PCNX4: variants seen among roughly 807,000 people sequenced by gnomAD.
The protein encoded by PCNX4 is pecanex 4, also known as pecanex-like protein 4.
In PCNX4, 103 loss-of-function variants were observed where a neutral mutation model predicts 107.2. The ratio of observed to expected loss-of-function variants is 0.96; its 90% confidence interval spans 0.82 to 1.13. The LOEUF (loss-of-function observed/expected upper bound fraction) is 1.13. PCNX4 is among the 50% of genes most tolerant of loss of function. PCNX4 has a pLI of 0.00. For missense variants in PCNX4, 1,528 were observed against 1,379.4 expected, an observed-to-expected ratio of 1.11 and a Z score of -1.71; for synonymous variants, 541 against 481.7, an observed-to-expected ratio of 1.12 and a Z score of -1.61.
rs1895816986 is a variant in PCNX4 at position 60,115,035 on chromosome 14, A to G, written c.931A>G (p.Thr311Ala). 6.2e-7 allele frequency: 1 copy of G among 1,613,132 alleles called. No homozygotes were observed. The highest frequency in any genetic ancestry group is 8.5e-7 in the Non-Finnish European group (1 of 1,179,372). The stretch of plus-strand genomic sequence containing the variant: ...TATAGCATCATATTTCATTCCAAGC[A>G]CTGTTGGTGTGGTTCTTTTCATGAC... Reference protein sequence around the residue: ...TAIASYFIPSTVGVVLFMTGF... With the variant: ...TAIASYFIPSAVGVVLFMTGF... Residue 311 changes from threonine (T) to alanine (A), a missense_variant, in exon 4 of 11, where the codon ACT (threonine) becomes GCT (alanine). Thr to Ala is a moderately conservative substitution (Grantham distance 58). Coordinates refer to ENST00000406854, the MANE Select transcript of PCNX4 (RefSeq NM_001330177.2).
At position 60,115,326 on chromosome 14, in the gene PCNX4, A is replaced by C; in HGVS notation, c.1222A>C (p.Ile408Leu). The C allele has an allele frequency of 6.2e-7, 1 of 1,608,526 alleles. No individual in the cohort carries two copies. The highest frequency in any genetic ancestry group is 1.1e-5 in the South Asian group (1 of 90,426). ...TATAATACTGTGGATACTTAGAGAA[A>C]TTCAAAGCGTATATATCATTGGAAT... ...LLIILWILRE[I>L]QSVYIIGIFR... The change falls in exon 4 of 11, where the codon ATT becomes CTT. Residue 408 changes from isoleucine to leucine, a missense_variant. Coordinates refer to ENST00000406854, the MANE Select transcript of PCNX4 (RefSeq NM_001330177.2).
rs768972189 is a variant in PCNX4 at position 60,115,757 on chromosome 14, A to G, written c.1396A>G (p.Ser466Gly). The change falls in exon 5 of 11, where the codon AGT (serine) becomes GGT (glycine). Residue 466 changes from serine (S) to glycine (G), a missense_variant. Transcript: ENST00000406854. ...CATGATAGCATTTCTTTCATTGGAC[A>G]GTTCCTTACAAGGGCTCCACTCAGT... is the stretch of plus-strand genomic sequence containing the variant. ...FAMIAFLSLD[S>G]SLQGLHSVSV... 5.6e-6 allele frequency: 9 copies of G among 1,613,502 alleles called. No homozygotes were observed. In the African/African-American group the frequency reaches 9.3e-5, roughly 17 times the overall value.
At chr14:60,114,939 A>C in intron 3 of PCNX4, 35 bp from the exon 4 acceptor site, 1 of 1,517,378 alleles carries the variant, frequency 6.6e-7, no homozygotes, top group Non-Finnish European at 8.7e-7. Flanking sequence ...TTTTCTTTTC[A>C]AGTAAATATT....
At chr14:60,111,245 A>T (rs925958681) in intron 2 of PCNX4, 1 of 152,080 alleles carries the variant, frequency 6.6e-6, no homozygotes, top group Non-Finnish European at 1.5e-5. Flanking sequence ...ACTGAAACTG[A>T]CCTGTCCTTG....
chr14:60,115,804 A>G lies in PCNX4; in HGVS notation c.1443A>G (p.Thr481=), dbSNP rs1342876679. 2.4e-5 allele frequency: 38 copies of G among 1,611,580 alleles called. No individual in the cohort carries two copies. In the Admixed American group the frequency reaches 6.3e-4, roughly 27 times the overall value. ...LHSVSVCIGF[T]RAFRMVWQNT... The stretch of plus-strand genomic sequence containing the variant: ...CAGTGTCTGTCTGTATTGGATTCAC[A>G]AGAGCCTTTAGAATGGTAATCCTAA... The change falls in exon 5 of 11, where the codon ACA becomes ACG. Residue 481 remains threonine (T), a synonymous_variant. Transcript: ENST00000406854.
In PCNX4 at chr14:60,107,702, C is replaced by CA; in HGVS notation, c.65dup (p.Thr23AspfsTer21). ...GGACTTCTTTCTGAAGCGCTTTCCA[C>CA]AGACTGTTCTTGGAGGCCCTCGATT... On this transcript the variant is annotated frameshift_variant, in exon 2 of 11. Coordinates refer to ENST00000406854, the MANE Select transcript of PCNX4 (RefSeq NM_001330177.2). LOFTEE classifies it high-confidence loss of function. 1 of 1,612,856 alleles carries CA rather than the reference C, an allele frequency of 6.2e-7. No homozygotes were observed.
chr14:60,133,904 A>G (rs1595181857), intron 10 of PCNX4, 66 bp from the exon 11 acceptor site: 2 of 1,446,486 alleles, frequency 1.4e-6, no homozygotes, highest in African/African-American at 2.9e-5. Flanking sequence ...GTTTATGAAT[A>G]AAATATAAAG....
At chr14:60,132,632 C>G (rs999267727) in intron 10 of PCNX4, among the ~76,000 whole-genome samples, 3 of 152,018 alleles carry the variant, frequency 2.0e-5, no homozygotes, top group African/African-American at 7.2e-5. Context: ...GTAAAAACTT[C>G]TGTTCCTCAA....
At chr14:60,126,408 G>A (rs1163950192) in intron 10 of PCNX4, among the ~76,000 whole-genome samples, 2 of 152,196 alleles carry the variant, frequency 1.3e-5, no homozygotes, top group African/African-American at 4.8e-5. Flanking sequence ...CTCTGCAAAT[G>A]CACTCCCTAG....
At chr14:60,099,575 G>A (rs993986156) in intron 1 of PCNX4, among the ~76,000 whole-genome samples, 3 of 152,180 alleles carry the variant, frequency 2.0e-5, no homozygotes, top group South Asian at 2.1e-4. Context: ...GTTAGAGAGA[G>A]CAGTATTATC....
At chr14:60,133,431 G>C (rs1896189736) in intron 10 of PCNX4, among the ~76,000 whole-genome samples, 1 of 152,162 alleles carries the variant, frequency 6.6e-6, no homozygotes, top group African/African-American at 2.4e-5. Flanking sequence ...TTAGGGAATG[G>C]TCAGTGAGGA....
intron 1 of PCNX4, among the ~76,000 whole-genome samples, chr14:60,100,589 G>A (rs963146444): frequency 2.0e-5 from 3 of 152,158 alleles, no homozygotes; most frequent in East Asian, 1.9e-4. Flanking sequence ...ATGAGCCACC[G>A]TGCCCTCCGT....
chr14:60,125,003 G>C lies in PCNX4; in HGVS notation c.2832G>C (p.Gln944His). Residue 944 changes from glutamine to histidine, a missense_variant, in exon 9 of 11, where the codon CAG (glutamine) becomes CAC (histidine). Coordinates refer to ENST00000406854, the MANE Select transcript of PCNX4 (RefSeq NM_001330177.2). ...PEDWYQFVLR[Q>H]LECYHSEEKA... ...ACTGGTACCAATTTGTTCTAAGGCA[G>C]TTGGAATGTTATCATTCAGAAGAGA... The C allele has an allele frequency of 6.2e-7, 1 of 1,613,808 alleles. No individual in the cohort carries two copies. Among genetic ancestry groups the C allele is most frequent in the Non-Finnish European group, 8.5e-7 (1 of 1,179,744 alleles).
Position 60,113,661 on chromosome 14 carries a change from G to A in PCNX4, c.690-1039G>A, listed in dbSNP as rs554071972. 7.9e-5 allele frequency among the ~76,000 whole-genome samples: 12 copies of A among 152,186 alleles called. No individual in the cohort carries two copies. In the South Asian group the frequency reaches 2.3e-3, roughly 29 times the overall value. Reference sequence around the variant, plus strand: ...TGGGATTACAGGTGTGAGCCACTGCGCCCGGCCCCAGAAATGTCTTTCTCC... The same window carrying A: ...TGGGATTACAGGTGTGAGCCACTGCACCCGGCCCCAGAAATGTCTTTCTCC... On this transcript the variant is annotated intron_variant, in intron 2 of 10. Transcript: ENST00000406854.
rs920336260 is a variant in PCNX4 at position 60,107,583 on chromosome 14, T to C, written c.-53-3T>C. 4 of 1,440,780 alleles carry C rather than the reference T, an allele frequency of 2.8e-6. No homozygotes were observed. The African/African-American group carries it at 5.7e-5, about 21-fold the overall frequency. The allele number at this position is 1,440,780 out of a possible 1,614,324, so 89.2% of individuals were successfully genotyped here. On this transcript the variant is annotated splice_polypyrimidine_tract_variant and splice_region_variant and intron_variant, in intron 1 of 10. Coordinates refer to ENST00000406854, the MANE Select transcript of PCNX4 (RefSeq NM_001330177.2). Reference sequence around the variant, plus strand: ...GTGACTTTTTTTAATTTTTATTTTTTAGAAACTGCTGTGTTACAGAAAAGC... The same window carrying C: ...GTGACTTTTTTTAATTTTTATTTTTCAGAAACTGCTGTGTTACAGAAAAGC...
intron 1 of PCNX4, among the ~76,000 whole-genome samples, chr14:60,099,313 T>C (rs1273782507): frequency 6.6e-6 from 1 of 152,238 alleles, no homozygotes. Context: ...TTGGTATATT[T>C]CCTTGCAGAT....
At position 60,135,866 on chromosome 14, in the gene PCNX4, A is replaced by G. The variant is rs1896233154; in HGVS notation, c.*1645A>G. On this transcript the variant is annotated 3_prime_UTR_variant, in exon 11 of 11. Transcript: ENST00000406854. ...TGCCCAGCCATAATTATCACTTTTA[A>G]TGACAGCATAAAATTCCATTGATAG... 2 of 150,458 alleles carry G rather than the reference A, an allele frequency of 1.3e-5. No individual in the cohort carries two copies. Among genetic ancestry groups the G allele is most frequent in the Admixed American group, 6.6e-5 (1 of 15,172 alleles). The allele number at this position is 150,458 out of a possible 1,614,324, so 9.3% of individuals were successfully genotyped here.
intron 2 of PCNX4, among the ~76,000 whole-genome samples, chr14:60,113,251 T>C (rs1355433820): frequency 1.3e-5 from 2 of 152,264 alleles, no homozygotes; most frequent in Non-Finnish European, 2.9e-5. Flanking sequence ...CTGACATCTA[T>C]GTGAGCAAAC....
chr14:60,144,853 A>C lies in PCNX4; in HGVS notation c.*10632A>C, dbSNP rs1300876163. The C allele has an allele frequency of 1.1e-6, 1 of 903,170 alleles. No homozygotes were observed. The highest frequency in any genetic ancestry group is 1.5e-5 in the South Asian group (1 of 67,252). The allele number at this position is 903,170 out of a possible 1,614,324, so 55.9% of individuals were successfully genotyped here. ...CCATGTTGGAAGCAAAGTCATATCT[A>C]TTAAAAAGTAAAATCACAAATTAGT... On this transcript the variant is annotated 3_prime_UTR_variant, in exon 11 of 11. Transcript: ENST00000406854.
Sources: allele counts gnomAD v4.1 joint callset (sites outside exome capture counted in the v4.1 genomes callset), GRCh38; gene constraint gnomAD v4.1.1; transcripts MANE v1.5; gene names NCBI Gene and HGNC (gene_info 2026-07-23, HGNC 2026-07-21).